CDH18: variants seen among roughly 807,000 people sequenced by gnomAD.
CDH18 encodes the protein cadherin-18.
CDH18 carries 31 observed loss-of-function variants against 67.9 expected under a neutral mutation model. The observed-to-expected ratio is 0.46, with a 90% confidence interval of 0.34 to 0.62. The LOEUF (loss-of-function observed/expected upper bound fraction) is 0.62, where lower values mean the gene tolerates loss of function less well. Among genes scored for constraint, CDH18 ranks in the 20% least tolerant of loss-of-function variants. CDH18 has a pLI of 0.01. For synonymous variants in CDH18, 362 were observed against 347.2 expected (o/e 1.04, Z -0.48); for missense variants, 890 against 975.5 (o/e 0.91, Z 1.17).
chr5:20,003,627 G>C (rs1011378182), intron 2 of CDH18, among the ~76,000 whole-genome samples: 2 of 152,110 alleles, frequency 1.3e-5, no homozygotes, highest in African/African-American at 4.8e-5. Flanking sequence ...GGTCGCGGTG[G>C]CTCAAGCCTG....
chr5:20,536,144 T>A (rs1435246781), intron 1 of CDH18, among the ~76,000 whole-genome samples: 2 of 152,198 alleles, frequency 1.3e-5, no homozygotes, highest in Admixed American at 1.3e-4. Context: ...ATTCAGTATA[T>A]GTTCAGGGGA....
chr5:20,311,216 A>G (rs538279440), intron 1 of CDH18, among the ~76,000 whole-genome samples: 35 of 152,278 alleles, frequency 2.3e-4, no homozygotes, highest in African/African-American at 8.4e-4. Context: ...AATTAGTTCA[A>G]CCATTGTGGA....
chr5:20,046,794 G>A (rs1935474585), intron 2 of CDH18, among the ~76,000 whole-genome samples: 1 of 151,488 alleles, frequency 6.6e-6, no homozygotes, highest in Non-Finnish European at 1.5e-5. Context: ...AGCGCTTTTC[G>A]AGAGCTGTTT....
At chr5:20,248,403 T>TA (rs1260531278) in intron 2 of CDH18, among the ~76,000 whole-genome samples, 7 of 152,230 alleles carry the variant, frequency 4.6e-5, no homozygotes, top group Non-Finnish European at 1.0e-4. Context: ...CAAGTCTTTA[T>TA]AAATCTACCA....
At chr5:19,901,048 T>C (rs1365141826) in intron 2 of CDH18, among the ~76,000 whole-genome samples, 1 of 152,154 alleles carries the variant, frequency 6.6e-6, no homozygotes, top group Non-Finnish European at 1.5e-5. Context: ...TACTCCTTTA[T>C]AAAATTTGGA....
At chr5:19,628,087 G>A (rs1307413111) in intron 5 of CDH18, among the ~76,000 whole-genome samples, 2 of 152,144 alleles carry the variant, frequency 1.3e-5, no homozygotes, top group African/African-American at 4.8e-5. Context: ...GACCTGGTGG[G>A]AGATACTTGA....
intron 3 of CDH18, among the ~76,000 whole-genome samples, chr5:19,812,489 T>C (rs1294737194): frequency 6.6e-6 from 1 of 152,006 alleles, no homozygotes; most frequent in Non-Finnish European, 1.5e-5. Flanking sequence ...ATGGAAGTAA[T>C]AAATACATGC....
chr5:20,428,798 T>C (rs1748522681), intron 1 of CDH18, among the ~76,000 whole-genome samples: 1 of 150,896 alleles, frequency 6.6e-6, no homozygotes, highest in Non-Finnish European at 1.5e-5. Context: ...CAGCACTTCA[T>C]TTGCTACCTT....
chr5:20,063,425 T>G (rs1742681764), intron 2 of CDH18, among the ~76,000 whole-genome samples: 1 of 152,140 alleles, frequency 6.6e-6, no homozygotes, highest in Admixed American at 6.6e-5. Context: ...GTGTATGCAT[T>G]ATTTATGTGC....
chr5:20,091,715 A>T (rs949627534), intron 2 of CDH18, among the ~76,000 whole-genome samples: 4 of 151,952 alleles, frequency 2.6e-5, no homozygotes, highest in African/African-American at 9.7e-5. Context: ...ATAAATACTG[A>T]TCCTCTCTTT....
chr5:19,733,595 C>T (rs967302401), intron 4 of CDH18, among the ~76,000 whole-genome samples: 13 of 152,040 alleles, frequency 8.6e-5, no homozygotes, highest in Non-Finnish European at 2.9e-5. Context: ...TGAGGGTGCC[C>T]AGAAAGTCTA....
At chr5:19,786,744 C>T (rs777692820) in intron 3 of CDH18, among the ~76,000 whole-genome samples, 6 of 152,190 alleles carry the variant, frequency 3.9e-5, no homozygotes, top group Middle Eastern at 3.4e-3. Flanking sequence ...TAATGTGCAC[C>T]TAGAGAAAAT....
chr5:20,516,327 G>C (rs1024606967), intron 1 of CDH18, among the ~76,000 whole-genome samples: 3 of 151,854 alleles, frequency 2.0e-5, no homozygotes, highest in Non-Finnish European at 4.4e-5. Flanking sequence ...CTGGAGTGTG[G>C]AAAAAGCAGT....
chr5:19,737,155 C>G (rs527940171), intron 4 of CDH18, among the ~76,000 whole-genome samples: 40 of 152,042 alleles, frequency 2.6e-4, no homozygotes, highest in East Asian at 1.2e-3. Context: ...TGTTTTTTTT[C>G]TATATCCAAT....
intron 1 of CDH18, among the ~76,000 whole-genome samples, chr5:20,402,264 G>T (rs1413667488): frequency 6.6e-6 from 1 of 152,110 alleles, no homozygotes; most frequent in African/African-American, 2.4e-5. Flanking sequence ...CTCAATCTGA[G>T]ATGAACTCTG....
chr5:20,142,083 A>T (rs1750287993), intron 2 of CDH18, among the ~76,000 whole-genome samples: 1 of 152,078 alleles, frequency 6.6e-6, no homozygotes, highest in Non-Finnish European at 1.5e-5. Context: ...AACTTTGAAG[A>T]TGTCTTTCTG....
intron 2 of CDH18, among the ~76,000 whole-genome samples, chr5:20,235,168 T>TA (rs1742377515): frequency 6.6e-6 from 1 of 152,122 alleles, no homozygotes; most frequent in Admixed American, 6.6e-5. Flanking sequence ...CTTCAAAATA[T>TA]AAAAATCATA....
chr5:19,578,689 T>G (rs888294716), intron 7 of CDH18, among the ~76,000 whole-genome samples: 1 of 152,044 alleles, frequency 6.6e-6, no homozygotes, highest in Non-Finnish European at 1.5e-5. Flanking sequence ...GTCTTTGATA[T>G]GTTTAGAATT....
chr5:19,859,989 G>GGTGTGTGGGTGT (rs1554052084), intron 2 of CDH18, among the ~76,000 whole-genome samples: 3 of 143,248 alleles, frequency 2.1e-5, no homozygotes, highest in East Asian at 2.1e-4. Context: ...GTTTGCTTTG[G>GGTGTGTGGGTGT]GTGTGTGTGT....
Sources: gnomAD v4.1 joint callset for allele counts (sites outside exome capture counted in the v4.1 genomes callset) on GRCh38, gnomAD v4.1.1 for gene constraint, MANE v1.5 for transcripts, NCBI Gene and HGNC (gene_info 2026-07-23, HGNC 2026-07-21) for gene names.